TRIP11: variants seen among roughly 807,000 people sequenced by gnomAD.
TRIP11 encodes the protein thyroid receptor-interacting protein 11.
A neutral mutation model predicts 223.1 loss-of-function variants in TRIP11; 148 were observed. That is an observed-to-expected ratio of 0.66 (90% confidence interval 0.58 to 0.76). The LOEUF is 0.76. Ranked by LOEUF, TRIP11 falls within the 30% of genes least tolerant of loss-of-function variation. The probability of loss-of-function intolerance (pLI) is 0.00; values close to 1 mark genes in which losing one functional copy is unlikely to be tolerated. For missense variants in TRIP11, 2,043 were observed against 2,222.0 expected, an observed-to-expected ratio of 0.92 and a Z score of 1.62; for synonymous variants, 762 against 772.6, an observed-to-expected ratio of 0.99 and a Z score of 0.23.
intron 7 of TRIP11, among the ~76,000 whole-genome samples, chr14:92,013,279 A>C (rs1177195364): frequency 6.6e-6 from 1 of 151,512 alleles, no homozygotes; most frequent in African/African-American, 2.4e-5. Flanking sequence ...AAAAACAAAC[A>C]AAAAAAAAGC....
intron 2 of TRIP11, among the ~76,000 whole-genome samples, chr14:92,031,553 G>A (rs1449290563): frequency 6.6e-6 from 1 of 151,832 alleles, no homozygotes; most frequent in African/African-American, 2.4e-5. Flanking sequence ...TTCCAGCCTG[G>A]GCAAAAAAGC....
intron 10 of TRIP11, among the ~76,000 whole-genome samples, chr14:92,007,403 T>G (rs2056919026): frequency 6.6e-6 from 1 of 152,236 alleles, no homozygotes; most frequent in Non-Finnish European, 1.5e-5. Context: ...GCTGCCTGTT[T>G]TGTAAATAAA....
intron 17 of TRIP11, 61 bp downstream of exon 17, chr14:91,976,047 T>G: frequency 6.6e-7 from 1 of 1,516,094 alleles, no homozygotes; most frequent in South Asian, 1.2e-5. Context: ...TTTAGAAGTT[T>G]TTTTTTAACC....
chr14:92,012,204 C>T (rs371885646), intron 7 of TRIP11, among the ~76,000 whole-genome samples: 1 of 152,138 alleles, frequency 6.6e-6, no homozygotes, highest in Non-Finnish European at 1.5e-5. Flanking sequence ...TAAACCACCA[C>T]AATACCATAA....
At chr14:91,994,258 C>CTTTTT (rs539125037) in intron 14 of TRIP11, among the ~76,000 whole-genome samples, 5 of 127,436 alleles carry the variant, frequency 3.9e-5, no homozygotes, top group African/African-American at 9.8e-5. Flanking sequence ...ACCTCAAAAA[C>CTTTTT]TTTTTTTTTT....
intron 1 of TRIP11, among the ~76,000 whole-genome samples, chr14:92,034,934 C>G (rs1349045627): frequency 6.6e-6 from 1 of 152,060 alleles, no homozygotes. Context: ...ATGCATGGCC[C>G]TTGGTTTTGT....
chr14:92,021,128 CACACTTGTTATCCCA>C (rs2057108756), intron 4 of TRIP11, among the ~76,000 whole-genome samples: 1 of 150,842 alleles, frequency 6.6e-6, no homozygotes, highest in Non-Finnish European at 1.5e-5. Context: ...CGCAGTGGCT[CACACTTGTTATCCCA>C]ACACTTTGGG....
chr14:92,012,884 G>A (rs1050291422), intron 7 of TRIP11, among the ~76,000 whole-genome samples: 3 of 152,158 alleles, frequency 2.0e-5, no homozygotes. Flanking sequence ...AAATGCAGGG[G>A]AGTAACCTGC....
At chr14:92,007,510 T>C (rs2056920550) in intron 10 of TRIP11, 130 bp downstream of exon 10, 3 of 950,306 alleles carry the variant, frequency 3.2e-6, no homozygotes, top group Non-Finnish European at 1.6e-6. Flanking sequence ...TGATATTTAC[T>C]ATCTAGCACT....
At chr14:91,997,160 T>C (rs1041666058) in intron 13 of TRIP11, among the ~76,000 whole-genome samples, 2 of 152,138 alleles carry the variant, frequency 1.3e-5, no homozygotes, top group African/African-American at 4.8e-5. Context: ...CAGTGGGTGA[T>C]TGTAGGAATG....
intron 11 of TRIP11, among the ~76,000 whole-genome samples, chr14:92,002,211 G>T (rs918625474): frequency 3.3e-5 from 5 of 152,082 alleles, no homozygotes; most frequent in Non-Finnish European, 5.9e-5. Context: ...GTACAGTATA[G>T]TATACAGTGT....
intron 15 of TRIP11, among the ~76,000 whole-genome samples, chr14:91,993,476 C>CAAAAAAAA (rs59244424): frequency 5.8e-5 from 3 of 51,750 alleles, no homozygotes; most frequent in African/African-American, 2.1e-4. Context: ...AACTCGGTCT[C>CAAAAAAAA]AAAAAAAAAA....
rs1233642358 is a variant in TRIP11, at chr14:91,968,025, A to G, written c.*1648T>C. ...ACATTCTGAAGCAGCATTTTCAGTT[A>G]CTTCATTTTTCAGAAAAACAAGTTT... On this transcript the variant is annotated 3_prime_UTR_variant, in exon 21 of 21. Coordinates refer to ENST00000267622, the MANE Select transcript of TRIP11 (RefSeq NM_004239.4). 10 of 200,962 alleles carry G rather than the reference A, an allele frequency of 5.0e-5. No individual in the cohort carries two copies. Among genetic ancestry groups the G allele is most frequent in the Non-Finnish European group, 1.0e-4 (10 of 97,608 alleles). 12.4% of individuals were successfully genotyped at this position (200,962 alleles called of 1,614,324 possible).
chr14:92,039,256 C>A lies in TRIP11; in HGVS notation c.139+291G>T, dbSNP rs2295174. 0.79 allele frequency among the ~76,000 whole-genome samples: 120,385 copies of A among 152,096 alleles called. 48,053 individuals are homozygous for A. Among genetic ancestry groups the A allele is most frequent in the African/African-American group, 0.87 (36,236 of 41,482 alleles). On this transcript the variant is annotated intron_variant, in intron 1 of 20. Coordinates refer to ENST00000267622, the MANE Select transcript of TRIP11 (RefSeq NM_004239.4). ...TGAGGGCAAAGTGGTGGGCGTGGAT[C>A]AACCAAACGAAAATAAACTCGACTT...
At chr14:92,017,820 C>T (rs1167038549) in intron 4 of TRIP11, 70 bp from the exon 5 acceptor site, 1 of 1,321,750 alleles carries the variant, frequency 7.6e-7, no homozygotes, top group African/African-American at 1.5e-5. Flanking sequence ...CACAAACTAA[C>T]TTCATTACAA....
At position 91,972,889 on chromosome 14, in the gene TRIP11, G is replaced by C. The variant is rs751947159; in HGVS notation, c.5575-28C>G. On this transcript the variant is annotated intron_variant, in intron 19 of 20. Transcript: ENST00000267622. ...AAGAAAAAATATTTTGGTTATATTA[G>C]GCTAGATAATTAAGTTATATTCACT... 3.2e-6 allele frequency: 5 copies of C among 1,573,938 alleles called. No homozygotes were observed. The East Asian group carries it at 9.0e-5, about 28-fold the overall frequency.
Position 91,966,754 on chromosome 14 carries a change from A to C in TRIP11, c.*2919T>G. On this transcript the variant is annotated 3_prime_UTR_variant, in exon 21 of 21. Transcript: ENST00000267622. The stretch of plus-strand genomic sequence containing the variant: ...AAACAATTTGATCCAGTATTATGCT[A>C]AAATTAAATTCAGTAGTTAGATGAA... 1 of 212,042 alleles carries C rather than the reference A, an allele frequency of 4.7e-6. No homozygotes were observed. Among genetic ancestry groups the C allele is most frequent in the Non-Finnish European group, 9.6e-6 (1 of 104,662 alleles). The allele number at this position is 212,042 out of a possible 1,614,324, so 13.1% of individuals were successfully genotyped here. A position where few individuals can be genotyped will look rare whatever the true frequency, so the allele number is the denominator to read the frequency against.
At position 92,005,167 on chromosome 14, in the gene TRIP11, T is replaced by C. The variant is rs746527875; in HGVS notation, c.2809A>G (p.Lys937Glu). ...TATCTAAACTCATCCATTTCCTTCT[T>C]TTGCTCTTGTAAAGACTGAAGTAGT... is the stretch of plus-strand genomic sequence containing the variant. ...MQLLQSLQEQ[K>E]KEMDEFRYQH... Residue 937 changes from lysine to glutamate, a missense_variant, in exon 11 of 21, where the codon AAG becomes GAG. Physicochemically the swap from Lys to Glu is moderately conservative, Grantham distance 56. Transcript: ENST00000267622. 1.2e-5 allele frequency: 20 copies of C among 1,613,786 alleles called. No homozygotes were observed. The highest frequency in any genetic ancestry group is 1.7e-5 in the Admixed American group (1 of 60,014).
Position 91,978,361 on chromosome 14 carries a change from G to T in TRIP11, c.5261-2172C>A, listed in dbSNP as rs117557425. Among the ~76,000 whole-genome samples the T allele has an allele frequency of 0.011, 1,709 of 152,140 alleles. 15 individuals are homozygous for T. Among genetic ancestry groups the T allele is most frequent in the Non-Finnish European group, 0.017 (1,154 of 67,978 alleles). On this transcript the variant is annotated intron_variant, in intron 16 of 20. Transcript: ENST00000267622. The surrounding 1 kb of genome is among the most constrained non-coding windows in gnomAD (Gnocchi z 4.4). ...AAGATAGCAGAAAAACAGAGGTCAA[G>T]CTTAGCTAACCTACCTCCAACCCCC...
Sources: gnomAD v4.1 joint callset for allele counts (sites outside exome capture counted in the v4.1 genomes callset) on GRCh38, gnomAD v4.1.1 for gene constraint, Gnocchi (gnomAD v3.1) non-coding constraint, MANE v1.5 for transcripts, NCBI Gene and HGNC (gene_info 2026-07-23, HGNC 2026-07-21) for gene names.